The following WAPL variants were observed in gnomAD, a reference collection of about 807,000 sequenced individuals.
The protein encoded by WAPL is WAPL cohesin release factor, also known as wings apart-like protein homolog.
In WAPL, 5 loss-of-function variants were observed where a neutral mutation model predicts 121.0. The observed-to-expected ratio is 0.04, with a 90% confidence interval of 0.02 to 0.09. WAPL has a LOEUF of 0.09. WAPL is among the 10% of genes least tolerant of loss of function. The pLI is 1.00. For missense variants in WAPL, 999 were observed against 1,410.8 expected, an observed-to-expected ratio of 0.71 and a Z score of 4.68; for synonymous variants, 480 against 481.5, an observed-to-expected ratio of 1.00 and a Z score of 0.04.
At chr10:86,447,637 G>A (rs1384513125) in intron 15 of WAPL, among the ~76,000 whole-genome samples, 1 of 152,156 alleles carries the variant, frequency 6.6e-6, no homozygotes, top group East Asian at 1.9e-4. Flanking sequence ...TAAGGGCACA[G>A]GAAGTATGTG....
intron 7 of WAPL, among the ~76,000 whole-genome samples, chr10:86,471,451 G>A (rs914257441): frequency 6.6e-6 from 1 of 152,012 alleles, no homozygotes; most frequent in African/African-American, 2.4e-5. Context: ...TACTCCAAAT[G>A]ACTGAAAAAT....
chr10:86,457,522 G>A (rs1258869689), intron 12 of WAPL, among the ~76,000 whole-genome samples: 3 of 151,804 alleles, frequency 2.0e-5, no homozygotes, highest in African/African-American at 4.8e-5. Flanking sequence ...GTGTGGTGGC[G>A]CACACCTGTT....
chr10:86,469,410 G>A (rs1051858884), intron 8 of WAPL, among the ~76,000 whole-genome samples: 6 of 151,384 alleles, frequency 4.0e-5, no homozygotes, highest in African/African-American at 1.2e-4. Flanking sequence ...GCACCACCAC[G>A]CCCGAGTAAT....
intron 4 of WAPL, among the ~76,000 whole-genome samples, chr10:86,476,392 T>C (rs1841655645): frequency 7.4e-6 from 1 of 135,816 alleles, no homozygotes; most frequent in Non-Finnish European, 1.6e-5. Flanking sequence ...TAAGAGTGCC[T>C]GAAAGAATAT....
chr10:86,443,400 TAATTA>T (rs770094823), intron 16 of WAPL, 37 bp from the exon 17 acceptor site: 1 of 1,589,674 alleles, frequency 6.3e-7, no homozygotes, highest in African/African-American at 1.3e-5. Context: ...AACAGTATAT[TAATTA>T]ACACAAACCT....
chr10:86,497,940 C>T (rs1169556849), intron 3 of WAPL, among the ~76,000 whole-genome samples: 7 of 152,070 alleles, frequency 4.6e-5, no homozygotes, highest in Admixed American at 4.6e-4. Flanking sequence ...TTTTTCTAAG[C>T]GAAACAAAAT....
intron 17 of WAPL, among the ~76,000 whole-genome samples, chr10:86,440,428 C>T (rs1440023131): frequency 1.3e-5 from 2 of 151,028 alleles, no homozygotes; most frequent in Non-Finnish European, 2.9e-5. Flanking sequence ...GCTGGGACTA[C>T]AGGTGCCCAC....
intron 4 of WAPL, among the ~76,000 whole-genome samples, chr10:86,496,636 T>C (rs1842155946): frequency 1.3e-5 from 2 of 152,150 alleles, no homozygotes; most frequent in Admixed American, 1.3e-4. Context: ...TATTCTTTTA[T>C]ATATATACAT....
At chr10:86,514,743 T>A (rs538585142) in intron 2 of WAPL, among the ~76,000 whole-genome samples, 1 of 152,312 alleles carries the variant, frequency 6.6e-6, no homozygotes, top group South Asian at 2.1e-4. Flanking sequence ...CAGAAACAAT[T>A]ACTTATGAAT....
At chr10:86,450,522 T>C (rs1000933262) in intron 15 of WAPL, among the ~76,000 whole-genome samples, 18 of 152,236 alleles carry the variant, frequency 1.2e-4, no homozygotes, top group African/African-American at 4.3e-4. Context: ...AGGTGTGAGC[T>C]ACCTTGCCCG....
chr10:86,495,217 T>G (rs1225217322), intron 4 of WAPL, among the ~76,000 whole-genome samples: 1 of 152,138 alleles, frequency 6.6e-6, no homozygotes, highest in African/African-American at 2.4e-5. Context: ...TGGACCATAT[T>G]ACATTTTGGG....
At chr10:86,448,395 G>C (rs1291867215) in intron 15 of WAPL, among the ~76,000 whole-genome samples, 2 of 152,156 alleles carry the variant, frequency 1.3e-5, no homozygotes, top group African/African-American at 4.8e-5. Flanking sequence ...AGGCTGTAGT[G>C]AGCTGTGACT....
intron 2 of WAPL, among the ~76,000 whole-genome samples, chr10:86,508,762 T>TTC: frequency 6.8e-6 from 1 of 147,146 alleles, no homozygotes; most frequent in African/African-American, 2.5e-5. Context: ...AAAGTTCTTT[T>TTC]TTTTTTTTTT....
At chr10:86,452,760 C>T (rs887344255) in intron 14 of WAPL, among the ~76,000 whole-genome samples, 27 of 151,630 alleles carry the variant, frequency 1.8e-4, no homozygotes, top group African/African-American at 6.3e-4. Context: ...GTACGTTCAG[C>T]CAGACGCAAT....
chr10:86,476,268 G>A (rs892110840), intron 4 of WAPL, among the ~76,000 whole-genome samples: 10 of 152,294 alleles, frequency 6.6e-5, no homozygotes, highest in Admixed American at 1.3e-4. Flanking sequence ...GGGAGGCTGA[G>A]GGAGGAGAAT....
chr10:86,516,140 T>C (rs1349791537), intron 2 of WAPL, among the ~76,000 whole-genome samples: 1 of 152,158 alleles, frequency 6.6e-6, no homozygotes. Flanking sequence ...AGTGCTGGGA[T>C]TACAGGCATG....
intron 8 of WAPL, among the ~76,000 whole-genome samples, chr10:86,468,409 G>A (rs1001110928): frequency 6.6e-6 from 1 of 151,660 alleles, no homozygotes; most frequent in African/African-American, 2.4e-5. Context: ...TGTTGCCGAG[G>A]CTGGTCCTGA....
intron 2 of WAPL, among the ~76,000 whole-genome samples, chr10:86,515,778 T>C (rs529698691): frequency 1.1e-3 from 165 of 150,172 alleles, no homozygotes; most frequent in Non-Finnish European, 2.2e-3. Flanking sequence ...CGAGACTGTG[T>C]CTCAAAAAAA....
Position 86,500,266 on chromosome 10 carries a change from T to C in WAPL, c.977A>G (p.Asn326Ser), listed in dbSNP as rs1471281484. The C allele has an allele frequency of 5.6e-6, 9 of 1,614,208 alleles. No individual in the cohort carries two copies. Among genetic ancestry groups the C allele is most frequent in the Non-Finnish European group, 7.6e-6 (9 of 1,180,032 alleles). ...CAGGCCATCTTTACTCGATTCACTG[T>C]TTGCTTTGGCTAAGGCCTGACTGGT... ...DGTSQALAKA[N>S]SESSKDGLNQ... The change falls in exon 3 of 19, where the codon AAC becomes AGC. Residue 326 changes from asparagine to serine, a missense_variant. Coordinates refer to ENST00000298767, the MANE Select transcript of WAPL (RefSeq NM_015045.5).
Sources: gnomAD v4.1 joint callset for allele counts (sites outside exome capture counted in the v4.1 genomes callset) on GRCh38, gnomAD v4.1.1 for gene constraint, MANE v1.5 for transcripts, NCBI Gene and HGNC (gene_info 2026-07-23, HGNC 2026-07-21) for gene names.